PRKG1: variants seen among roughly 807,000 people sequenced by gnomAD.
The protein encoded by PRKG1 is protein kinase cGMP-dependent 1.
Under a neutral mutation model 88.1 loss-of-function variants are expected in PRKG1, and 35 were observed. The ratio of observed to expected loss-of-function variants is 0.40; its 90% confidence interval spans 0.30 to 0.53. The LOEUF (loss-of-function observed/expected upper bound fraction) is 0.53, where lower values mean the gene tolerates loss of function less well. Among genes scored for constraint, PRKG1 ranks in the 20% least tolerant of loss-of-function variants. The pLI is 0.59. For synonymous variants in PRKG1, 303 were observed against 292.5 expected, an observed-to-expected ratio of 1.04 and a Z score of -0.37; for missense variants, 540 against 839.8, an observed-to-expected ratio of 0.64 and a Z score of 4.41.
intron 2 of PRKG1, among the ~76,000 whole-genome samples, chr10:51,290,611 C>T (rs917162122): frequency 5.9e-5 from 9 of 151,982 alleles, no homozygotes; most frequent in Admixed American, 5.9e-4. Flanking sequence ...TCTCTTATTC[C>T]TGAGTAAAGG....
At chr10:51,845,220 C>G (rs1840368716) in intron 4 of PRKG1, among the ~76,000 whole-genome samples, 1 of 152,056 alleles carries the variant, frequency 6.6e-6, no homozygotes, top group South Asian at 2.1e-4. Flanking sequence ...TTTTTATGTT[C>G]TGCATGTCTG....
intron 2 of PRKG1, among the ~76,000 whole-genome samples, chr10:51,300,747 G>A (rs761557582): frequency 6.6e-6 from 1 of 152,190 alleles, no homozygotes; most frequent in Non-Finnish European, 1.5e-5. Context: ...GAACCTCTGT[G>A]TTATCTGAGA....
chr10:51,632,279 G>A (rs770409813), intron 3 of PRKG1, among the ~76,000 whole-genome samples: 1 of 152,136 alleles, frequency 6.6e-6, no homozygotes, highest in Non-Finnish European at 1.5e-5. Context: ...TGACCCCCAT[G>A]TGATTTTAAA....
At chr10:51,401,752 G>A (rs2132668855) in intron 2 of PRKG1, among the ~76,000 whole-genome samples, 1 of 152,070 alleles carries the variant, frequency 6.6e-6, no homozygotes, top group Non-Finnish European at 1.5e-5. Flanking sequence ...ATAATTAAGA[G>A]TTTATAAAAG....
At chr10:51,410,270 A>ATGTG (rs71459418) in intron 2 of PRKG1, among the ~76,000 whole-genome samples, 15,389 of 146,574 alleles carry the variant, frequency 0.1, 982 homozygotes, top group Admixed American at 0.2. Flanking sequence ...ATATATATAT[A>ATGTG]TGTGTGTGTG....
At chr10:51,501,719 T>C (rs1486493506) in intron 3 of PRKG1, among the ~76,000 whole-genome samples, 1 of 151,852 alleles carries the variant, frequency 6.6e-6, no homozygotes, top group Non-Finnish European at 1.5e-5. Flanking sequence ...TTGGCAAAAC[T>C]CCCTTTCTTT....
At chr10:51,045,150 C>T (rs1326553798) in intron 1 of PRKG1, among the ~76,000 whole-genome samples, 1 of 152,018 alleles carries the variant, frequency 6.6e-6, no homozygotes, top group East Asian at 1.9e-4. Context: ...GTAAAATTAA[C>T]AGGAGCGATC....
At chr10:51,544,007 T>C (rs1163052103) in intron 3 of PRKG1, among the ~76,000 whole-genome samples, 1 of 152,194 alleles carries the variant, frequency 6.6e-6, no homozygotes, top group Admixed American at 6.5e-5. Flanking sequence ...GTTCTTCATG[T>C]CACACAATGG....
intron 3 of PRKG1, among the ~76,000 whole-genome samples, chr10:51,627,986 TTC>T (rs1839397676): frequency 2.8e-5 from 1 of 36,048 alleles, no homozygotes; most frequent in Non-Finnish European, 5.8e-5. Flanking sequence ...CTTTCTTTCT[TTC>T]TTTCTCTCTC....
At chr10:51,139,932 T>G (rs559363625) in intron 1 of PRKG1, among the ~76,000 whole-genome samples, 27 of 152,344 alleles carry the variant, frequency 1.8e-4, no homozygotes, top group African/African-American at 5.8e-4. Flanking sequence ...ATTCAATTCT[T>G]TCTCACCATC....
chr10:51,480,816 G>T (rs1840334362), intron 3 of PRKG1, among the ~76,000 whole-genome samples: 1 of 152,158 alleles, frequency 6.6e-6, no homozygotes, highest in Admixed American at 6.6e-5. Context: ...GTGGCCATGA[G>T]ATGTAATGGA....
intron 9 of PRKG1, among the ~76,000 whole-genome samples, chr10:52,188,954 A>T (rs1462689537): frequency 2.0e-5 from 3 of 152,202 alleles, no homozygotes; most frequent in Non-Finnish European, 4.4e-5. Flanking sequence ...ACGAAACCCA[A>T]GTTCTGTTCT....
chr10:51,276,211 G>A (rs903872915), intron 2 of PRKG1, among the ~76,000 whole-genome samples: 5 of 152,018 alleles, frequency 3.3e-5, no homozygotes, highest in South Asian at 2.1e-4. Context: ...GAGAAAATGC[G>A]GTGTTTGGTT....
At chr10:51,432,948 G>A (rs1199351682) in intron 2 of PRKG1, among the ~76,000 whole-genome samples, 1 of 152,114 alleles carries the variant, frequency 6.6e-6, no homozygotes, top group Non-Finnish European at 1.5e-5. Context: ...AAAATAGACT[G>A]TACAGCTTAA....
chr10:51,190,327 A>G lies in PRKG1; in HGVS notation c.478+36997A>G, dbSNP rs147651618. Among the ~76,000 whole-genome samples, 3 of 152,066 alleles carry G rather than the reference A, an allele frequency of 2.0e-5. No individual in the cohort carries two copies. The East Asian group carries it at 5.8e-4, about 29-fold the overall frequency. ...TATGAAAATTATTGCACTGAGGTCT[A>G]TAATTGAGCAAACTGAGCAAATGAA... On this transcript the variant is annotated intron_variant, in intron 2 of 17. Coordinates refer to ENST00000373980, the MANE Select transcript of PRKG1 (RefSeq NM_006258.4).
At chr10:51,938,421 G>A (rs1842840099) in intron 5 of PRKG1, among the ~76,000 whole-genome samples, 1 of 151,986 alleles carries the variant, frequency 6.6e-6, no homozygotes, top group Admixed American at 6.6e-5. Flanking sequence ...ATGGATAAGA[G>A]GGGGTCATTG....
intron 2 of PRKG1, among the ~76,000 whole-genome samples, chr10:51,362,563 A>T (rs2132589773): frequency 6.6e-6 from 1 of 152,018 alleles, no homozygotes; most frequent in Admixed American, 6.6e-5. Context: ...ACTAACACCT[A>T]GCATTATATA....
At chr10:51,234,139 TA>T (rs1298294415) in intron 2 of PRKG1, among the ~76,000 whole-genome samples, 1 of 152,196 alleles carries the variant, frequency 6.6e-6, no homozygotes, top group Non-Finnish European at 1.5e-5. Context: ...GTCTTGGTGC[TA>T]AGGTCAGTCT....
intron 1 of PRKG1, 151 bp downstream of exon 1, chr10:51,075,052 G>T: frequency 8.4e-7 from 1 of 1,187,294 alleles, no homozygotes; most frequent in Admixed American, 2.9e-5. Flanking sequence ...TTCTTGCGGG[G>T]CTGTGCACGT....
Sources: allele counts gnomAD v4.1 joint callset (sites outside exome capture counted in the v4.1 genomes callset), GRCh38; gene constraint gnomAD v4.1.1; transcripts MANE v1.5; gene names NCBI Gene and HGNC (gene_info 2026-07-23, HGNC 2026-07-21).